OR10R2: variants seen among roughly 807,000 people sequenced by gnomAD.
OR10R2 encodes the protein olfactory receptor 10R2.
In OR10R2, 1 loss-of-function variant was observed where a neutral mutation model predicts 2.4. That is an observed-to-expected ratio of 0.41 (90% confidence interval 0.15 to 1.95). The LOEUF (loss-of-function observed/expected upper bound fraction) is 1.95, where lower values mean the gene tolerates loss of function less well. Among genes scored for constraint, OR10R2 ranks in the 30% most tolerant of loss-of-function variants. The pLI is 0.30. For missense variants in OR10R2, 419 were observed against 373.0 expected, an observed-to-expected ratio of 1.12 and a Z score of -1.01; for synonymous variants, 166 against 144.8, an observed-to-expected ratio of 1.15 and a Z score of -1.05.
In OR10R2 at chr1:158,473,786, CCCTCTTTCCCTCTCTG is replaced by C. The variant is rs1557874985; in HGVS notation, c.27+1436_27+1451del. On this transcript the variant is annotated intron_variant, in intron 1 of 1. Transcript: ENST00000641067. ...TTCCTTCCTTCCTTCCTCCCTCCTT[CCCTCTTTCCCTCTCTG>C]CTTCCTTCCTCCCTCCTTCCCTCTT... 6.3e-3 allele frequency among the ~76,000 whole-genome samples: 532 copies of C among 84,178 alleles called. 46 individuals are homozygous for C. The highest frequency in any genetic ancestry group is 0.029 in the African/African-American group (492 of 17,154). The allele number at this position is 84,178 out of a possible 152,430, so 55.2% of individuals were successfully genotyped here.
rs747842707 is a variant in OR10R2, at chr1:158,480,569, TTC to T, written c.661_662del (p.Leu221ValfsTer20). 1.9e-6 allele frequency: 3 copies of T among 1,613,492 alleles called. No homozygotes were observed. The highest frequency in any genetic ancestry group is 2.5e-6 in the Non-Finnish European group (3 of 1,179,426). Reference sequence around the variant, plus strand: ...GGAGTTCTTGTACTTGTGGTTCCCTTTCTGTTTATCTGTGTTTCTTATCTCTG... The same window carrying T: ...GGAGTTCTTGTACTTGTGGTTCCCTTTGTTTATCTGTGTTTCTTATCTCTG... On this transcript the variant is annotated frameshift_variant, in exon 2 of 2. Transcript: ENST00000641067. LOFTEE classifies it low-confidence loss of function (END_TRUNC).
exon 2 of OR10R2, chr1:158,480,271 T>G (rs762428561): frequency 6.2e-7 from 1 of 1,614,130 alleles, no homozygotes; most frequent in Non-Finnish European, 8.5e-7. Flanking sequence ...CATTACCAAC[T>G]GCCTGCTATT....
At chr1:158,474,948 T>A (rs555125758) in intron 1 of OR10R2, among the ~76,000 whole-genome samples, 1 of 152,036 alleles carries the variant, frequency 6.6e-6, no homozygotes, top group South Asian at 2.1e-4. Context: ...CAAAAAAAAA[T>A]TAATAATAGT....
chr1:158,480,225 T>C (rs377750955), exon 2 of OR10R2: 1 of 1,614,018 alleles, frequency 6.2e-7, no homozygotes. Flanking sequence ...CCTTCAACTG[T>C]TGTGCTCTTC....
At chr1:158,479,588 T>C (rs1656338414) in intron 1 of OR10R2, among the ~76,000 whole-genome samples, 1 of 152,168 alleles carries the variant, frequency 6.6e-6, no homozygotes, top group African/African-American at 2.4e-5. Flanking sequence ...AACCTGAGAA[T>C]ATGTTAGATT....
At chr1:158,475,638 T>G (rs1349291732) in intron 1 of OR10R2, among the ~76,000 whole-genome samples, 5 of 151,752 alleles carry the variant, frequency 3.3e-5, no homozygotes, top group African/African-American at 1.2e-4. Flanking sequence ...TATTAACATC[T>G]GAAGAATATT....
chr1:158,473,541 G>A (rs559967711), intron 1 of OR10R2, among the ~76,000 whole-genome samples: 1 of 152,238 alleles, frequency 6.6e-6, no homozygotes, highest in East Asian at 1.9e-4. Context: ...AAAGATTAGA[G>A]GATCTGCCCT....
chr1:158,479,801 A>C, intron 1 of OR10R2, 137 bp from the exon 2 acceptor site: 1 of 798,140 alleles, frequency 1.3e-6, no homozygotes, highest in Non-Finnish European at 2.1e-6. Flanking sequence ...TGAACATGAG[A>C]GGTAGTTAGG....
At chr1:158,472,740 A>G (rs913865834) in intron 1 of OR10R2, among the ~76,000 whole-genome samples, 12 of 152,218 alleles carry the variant, frequency 7.9e-5, no homozygotes, top group African/African-American at 2.9e-4. Flanking sequence ...AGGTGGTAAT[A>G]GGAAAAGTAG....
intron 1 of OR10R2, among the ~76,000 whole-genome samples, chr1:158,478,908 A>T (rs1656322976): frequency 6.6e-6 from 1 of 152,174 alleles, no homozygotes; most frequent in Non-Finnish European, 1.5e-5. Flanking sequence ...TATTGAGCTC[A>T]ACAGAACCTA....
intron 1 of OR10R2, among the ~76,000 whole-genome samples, chr1:158,475,198 C>T (rs1233533499): frequency 2.0e-5 from 3 of 152,092 alleles, no homozygotes; most frequent in Non-Finnish European, 4.4e-5. Flanking sequence ...ATAATCCTGC[C>T]TTTCTTAAAA....
At chr1:158,472,259 A>G in exon 1 of OR10R2, 2 of 398,954 alleles carry the variant, frequency 5.0e-6, no homozygotes, top group South Asian at 2.5e-4. Context: ...AATGTGAACC[A>G]GAAAAAAAGC....
At position 158,480,196 on chromosome 1, in the gene OR10R2, T is replaced by C. The variant is rs1426033958; in HGVS notation, c.286T>C (p.Ser96Pro). The C allele has an allele frequency of 1.9e-6, 3 of 1,614,004 alleles. No individual in the cohort carries two copies. In the African/African-American group the frequency reaches 4.0e-5, roughly 22 times the overall value. The change falls in exon 2 of 2, where the codon TCT becomes CCT. Residue 96 changes from serine (S) to proline (P), a missense_variant. Coordinates refer to ENST00000641067, the Ensembl canonical transcript of OR10R2. ...ACCCAAGATGCTCATCAATCTACTT[T>C]CTGTGGCCAGGACAATCTCCTTCAA...
At chr1:158,472,544 A>G (rs1042970925) in intron 1 of OR10R2, among the ~76,000 whole-genome samples, 192 bp downstream of exon 1, 4 of 152,260 alleles carry the variant, frequency 2.6e-5, no homozygotes, top group South Asian at 2.1e-4. Context: ...AAACTCTTTC[A>G]TATTGGAGAT....
intron 1 of OR10R2, chr1:158,474,414 C>T (rs1351383668): frequency 6.6e-6 from 1 of 152,136 alleles, no homozygotes; most frequent in South Asian, 2.1e-4. Flanking sequence ...TCTAATTTCT[C>T]CCTTCAGGCT....
rs1164324435 is a variant in OR10R2 at position 158,472,229 on chromosome 1, AC to A, written c.-95del. On this transcript the variant is annotated 5_prime_UTR_variant, in exon 1 of 2. Transcript: ENST00000641067. ...CTCTAGGGTGCTAGATAGTAAAATT[AC>A]CAAGCAGGCATTGATGCTAATGTGA... The A allele has an allele frequency of 3.5e-5, 14 of 398,580 alleles. 1 individual carries two copies. The highest frequency in any genetic ancestry group is 6.2e-4 in the Middle Eastern group (1 of 1,608). 24.7% of individuals were successfully genotyped at this position (398,580 alleles called of 1,614,324 possible).
rs151013260 is a variant in OR10R2 at position 158,480,333 on chromosome 1, C to A, written c.423C>A (p.Tyr141Ter). The change falls in exon 2 of 2, where the codon TAC becomes TAA. Residue 141 changes from tyrosine to a stop codon, truncating the protein, a stop_gained. Transcript: ENST00000641067. LOFTEE classifies it low-confidence loss of function (END_TRUNC). Reference sequence around the variant, plus strand: ...CTGCCATTTGTCACCCTCTGCATTACCCCACTCTTATGAGCTGGCAGGTGT... The same window carrying A: ...CTGCCATTTGTCACCCTCTGCATTAACCCACTCTTATGAGCTGGCAGGTGT... 71 of 1,614,086 alleles carry A rather than the reference C, an allele frequency of 4.4e-5. No homozygotes were observed. The East Asian group carries it at 6.2e-4, about 14-fold the overall frequency.
chr1:158,476,220 A>G (rs955989138), intron 1 of OR10R2, among the ~76,000 whole-genome samples: 9 of 152,120 alleles, frequency 5.9e-5, no homozygotes, highest in African/African-American at 1.9e-4. Flanking sequence ...GGTTTTGCTC[A>G]AATGTACAGA....
chr1:158,476,676 ATGTT>A (rs1416080860), intron 1 of OR10R2, among the ~76,000 whole-genome samples: 4 of 152,154 alleles, frequency 2.6e-5, no homozygotes, highest in Non-Finnish European at 5.9e-5. Flanking sequence ...TTTTTGATCA[ATGTT>A]TGTGAGCACT....
Sources: allele counts gnomAD v4.1 joint callset (sites outside exome capture counted in the v4.1 genomes callset), GRCh38; gene constraint gnomAD v4.1.1; transcripts MANE v1.5; gene names NCBI Gene and HGNC (gene_info 2026-07-23, HGNC 2026-07-21).